Variants in ASIC2 observed in about 807,000 individuals in gnomAD.
ASIC2 encodes acid-sensing ion channel 2.
ASIC2 carries 25 observed loss-of-function variants against 57.3 expected under a neutral mutation model. The ratio of observed to expected loss-of-function variants is 0.44; its 90% CI spans 0.32 to 0.61. The LOEUF (loss-of-function observed/expected upper bound fraction) is 0.61. ASIC2 is among the 20% of genes least tolerant of loss of function. The pLI, the probability that ASIC2 is intolerant of heterozygous loss-of-function variation, is 0.06. For missense variants in ASIC2, 641 were observed against 738.1 expected, an observed-to-expected ratio of 0.87 and a Z score of 1.52; for synonymous variants, 319 against 307.5, an observed-to-expected ratio of 1.04 and a Z score of -0.39.
intron 1 of ASIC2, among the ~76,000 whole-genome samples, chr17:33,405,459 T>A (rs1328539460): frequency 1.7e-5 from 2 of 116,590 alleles, no homozygotes; most frequent in Admixed American, 1.7e-4. Context: ...ATAGCACTCC[T>A]TTCTTTCTTT....
chr17:33,972,834 T>G (rs1362303243), intron 1 of ASIC2, among the ~76,000 whole-genome samples: 1 of 152,168 alleles, frequency 6.6e-6, no homozygotes, highest in African/African-American at 2.4e-5. Context: ...TCGCAGACAA[T>G]GAAAGAGTCC....
chr17:33,945,122 G>T (rs1408503360), intron 1 of ASIC2, among the ~76,000 whole-genome samples: 1 of 152,196 alleles, frequency 6.6e-6, no homozygotes, highest in Non-Finnish European at 1.5e-5. Context: ...GCAGCAGCTT[G>T]GCTTGAAAGC....
At chr17:33,264,456 C>T (rs1266974017) in intron 1 of ASIC2, among the ~76,000 whole-genome samples, 9 of 152,176 alleles carry the variant, frequency 5.9e-5, no homozygotes, top group South Asian at 2.1e-4. Context: ...AGCAAATTGC[C>T]CAGAGTCACA....
chr17:33,483,937 G>A (rs1315144753), intron 1 of ASIC2, among the ~76,000 whole-genome samples: 2 of 152,150 alleles, frequency 1.3e-5, no homozygotes, highest in Admixed American at 6.5e-5. Context: ...AGGGGTCCTT[G>A]GAAGAGGGAG....
intron 1 of ASIC2, among the ~76,000 whole-genome samples, chr17:33,912,973 T>C (rs1915500586): frequency 6.6e-6 from 1 of 151,918 alleles, no homozygotes; most frequent in South Asian, 2.1e-4. Flanking sequence ...AGCGAAACTC[T>C]GTCTCAAAAA....
intron 1 of ASIC2, among the ~76,000 whole-genome samples, chr17:33,128,694 C>T (rs111557579): frequency 7.7e-4 from 117 of 152,276 alleles, no homozygotes; most frequent in African/African-American, 2.6e-3. Context: ...GGGGAAAGGA[C>T]GGAACTGTGG....
chr17:33,747,222 C>CTTTTT (rs61564362), intron 1 of ASIC2, among the ~76,000 whole-genome samples: 2 of 116,792 alleles, frequency 1.7e-5, no homozygotes, highest in Admixed American at 9.0e-5. Flanking sequence ...ATCCAGCCGT[C>CTTTTT]TTTTTTTTTT....
intron 1 of ASIC2, among the ~76,000 whole-genome samples, chr17:33,280,323 G>A (rs1222598111): frequency 1.3e-5 from 2 of 152,136 alleles, no homozygotes; most frequent in Non-Finnish European, 2.9e-5. Context: ...AACAAAAAAG[G>A]CTCTCACTCC....
intron 1 of ASIC2, among the ~76,000 whole-genome samples, chr17:34,067,018 G>T (rs1207380197): frequency 6.6e-6 from 1 of 152,220 alleles, no homozygotes; most frequent in African/African-American, 2.4e-5. Context: ...GAACACTGCT[G>T]CCCTCAGGCA....
chr17:34,152,031 T>TA (rs1431505884), intron 1 of ASIC2, among the ~76,000 whole-genome samples: 1 of 151,950 alleles, frequency 6.6e-6, no homozygotes, highest in Non-Finnish European at 1.5e-5. Context: ...ATAATTTTTT[T>TA]AAAAAAGATA....
At chr17:34,012,213 C>T (rs144737382) in intron 1 of ASIC2, among the ~76,000 whole-genome samples, 505 of 152,266 alleles carry the variant, frequency 3.3e-3, no homozygotes, top group Admixed American at 5.3e-3. Flanking sequence ...CTCCAGGCCC[C>T]CGAACCACCA....
At chr17:33,071,673 C>T (rs372070773) in intron 3 of ASIC2, among the ~76,000 whole-genome samples, 2 of 152,198 alleles carry the variant, frequency 1.3e-5, no homozygotes, top group East Asian at 1.9e-4. Context: ...TTTTTTATAT[C>T]CCTATAAATA....
intron 1 of ASIC2, among the ~76,000 whole-genome samples, chr17:33,136,948 A>G (rs970518504): frequency 3.9e-5 from 6 of 152,178 alleles, no homozygotes; most frequent in African/African-American, 1.4e-4. Context: ...AATCTCTCTG[A>G]GCCTCAGTTT....
intron 1 of ASIC2, among the ~76,000 whole-genome samples, chr17:34,143,668 C>A (rs988196185): frequency 1.3e-5 from 2 of 152,150 alleles, no homozygotes; most frequent in Non-Finnish European, 2.9e-5. Flanking sequence ...ATGCTGGTTT[C>A]AATGGGAGTA....
At chr17:34,037,613 A>T in intron 1 of ASIC2, 2 of 1,578,104 alleles carry the variant, frequency 1.3e-6, no homozygotes, top group Non-Finnish European at 1.7e-6. Context: ...GTGGCCTTGG[A>T]GTCAGTCTCA....
In ASIC2 at chr17:33,678,434, T is replaced by TA. The variant is rs1372970246; in HGVS notation, c.555+477543_555+477544insT. 2.6e-3 allele frequency among the ~76,000 whole-genome samples: 236 copies of TA among 89,332 alleles called. 1 individual carries two copies. Among genetic ancestry groups the TA allele is most frequent in the African/African-American group, 6.0e-3 (98 of 16,264 alleles). 58.6% of individuals were successfully genotyped at this position (89,332 alleles called of 152,430 possible). A position where few individuals can be genotyped will look rare whatever the true frequency, so the allele number is the denominator to read the frequency against. ...TTCTGAACTATGGTGCCTGGTTCAA[T>TA]CCACACACACACACACACACACACA... is the stretch of plus-strand genomic sequence containing the variant. On this transcript the variant is annotated intron_variant, in intron 1 of 9. Coordinates refer to the ASIC2 transcript ENST00000359872.
intron 1 of ASIC2, among the ~76,000 whole-genome samples, chr17:34,063,546 G>A (rs1017392064): frequency 7.2e-5 from 11 of 152,032 alleles, no homozygotes; most frequent in Non-Finnish European, 1.6e-4. Flanking sequence ...AAGAAATAAA[G>A]GGCATCCAAA....
intron 1 of ASIC2, among the ~76,000 whole-genome samples, chr17:33,806,711 C>G (rs1442514133): frequency 6.6e-6 from 1 of 152,140 alleles, no homozygotes; most frequent in Non-Finnish European, 1.5e-5. Flanking sequence ...TTCCCTGGGT[C>G]CTGAATGGGG....
At chr17:33,941,185 G>A (rs1216752171) in intron 1 of ASIC2, among the ~76,000 whole-genome samples, 1 of 152,190 alleles carries the variant, frequency 6.6e-6, no homozygotes, top group Admixed American at 6.5e-5. Context: ...GGCCAGACGA[G>A]CCTCCAGCCC....
Sources: gnomAD v4.1 joint callset for allele counts (sites outside exome capture counted in the v4.1 genomes callset) on GRCh38, gnomAD v4.1.1 for gene constraint, MANE v1.5 for transcripts, NCBI Gene and HGNC (gene_info 2026-07-23, HGNC 2026-07-21) for gene names.